The following OTOP1 variants were observed in gnomAD, a reference collection of about 807,000 sequenced individuals.
The protein encoded by OTOP1 is otopetrin 1.
A neutral mutation model predicts 52.9 loss-of-function variants in OTOP1; 59 were observed. The observed-to-expected ratio is 1.12, with a 90% confidence interval of 0.91 to 1.39. The LOEUF (loss-of-function observed/expected upper bound fraction) is 1.39. Ranked by LOEUF, OTOP1 falls within the 40% of genes most tolerant of loss-of-function variation. OTOP1 has a pLI of 0.00. For synonymous variants in OTOP1, 317 were observed against 337.7 expected (o/e 0.94, Z 0.67); for missense variants, 761 against 800.9 (o/e 0.95, Z 0.60).
intron 4 of OTOP1, among the ~76,000 whole-genome samples, chr4:4,201,520 C>G (rs559741321): frequency 2.1e-4 from 26 of 125,986 alleles, no homozygotes; most frequent in African/African-American, 7.4e-4. Context: ...ACATATATAG[C>G]CTACCAGAGA....
At chr4:4,220,084 T>TATATATATATATATATATAC (rs1717262877) in intron 1 of OTOP1, among the ~76,000 whole-genome samples, 1 of 63,756 alleles carries the variant, frequency 1.6e-5, no homozygotes, top group African/African-American at 1.4e-4. Context: ...TGTATACATA[T>TATATATATATATATATATAC]ATATATATAT....
At chr4:4,199,908 C>T (rs542973530) in intron 4 of OTOP1, among the ~76,000 whole-genome samples, 12 of 152,058 alleles carry the variant, frequency 7.9e-5, no homozygotes, top group Non-Finnish European at 1.5e-4. Context: ...GAGTCAACTA[C>T]AATAAAATTT....
chr4:4,212,008 T>G (rs528043839), intron 2 of OTOP1, among the ~76,000 whole-genome samples: 1 of 152,164 alleles, frequency 6.6e-6, no homozygotes, highest in Non-Finnish European at 1.5e-5. Context: ...GGCAACTATG[T>G]GAGATGACAG....
intron 5 of OTOP1, among the ~76,000 whole-genome samples, chr4:4,190,360 G>T (rs547619431): frequency 5.3e-5 from 8 of 152,314 alleles, no homozygotes; most frequent in South Asian, 2.1e-4. Context: ...TGTAATCCCA[G>T]CTACTCAGGG....
In OTOP1 at chr4:4,202,549, T is replaced by C. The variant is rs780106668; in HGVS notation, c.629A>G (p.Asn210Ser). 2.2e-5 allele frequency: 35 copies of C among 1,614,052 alleles called. No homozygotes were observed. The highest frequency in any genetic ancestry group is 8.9e-5 in the East Asian group (4 of 44,872). ...RFGVIHSVFT[N>S]LLLWANGVLN... is the part of the protein sequence containing the mutation. ...GACGCCATTGGCCCACAGAAGCAGG[T>C]TGGTGAACACCGAGTGGATCACTCC... Residue 210 changes from asparagine (N) to serine (S), a missense_variant, in exon 4 of 6, where the codon AAC becomes AGC. By Grantham distance (46) the Asn-to-Ser change is conservative. Around this residue, in one of 3 missense-constraint regions of OTOP1, gnomAD observed 632 missense variants for 619.5 expected, o/e 1.02. Coordinates refer to ENST00000296358, the MANE Select transcript of OTOP1 (RefSeq NM_177998.3).
chr4:4,223,978 T>G (rs1577186778), intron 1 of OTOP1, among the ~76,000 whole-genome samples: 6 of 137,960 alleles, frequency 4.3e-5, no homozygotes, highest in Admixed American at 7.3e-5. Flanking sequence ...AGAGGGACAG[T>G]GGAGAGAAGG....
chr4:4,195,027 T>A (rs1253469728), intron 5 of OTOP1, among the ~76,000 whole-genome samples: 6 of 152,138 alleles, frequency 3.9e-5, no homozygotes, highest in African/African-American at 1.2e-4. Flanking sequence ...TCTGTCTCCA[T>A]CCTTGCTACA....
intron 5 of OTOP1, among the ~76,000 whole-genome samples, chr4:4,194,110 A>T (rs1716571373): frequency 1.3e-5 from 2 of 152,132 alleles, no homozygotes; most frequent in South Asian, 2.1e-4. Context: ...AATCACTTGA[A>T]CCTGGGAGGC....
At chr4:4,201,994 T>C (rs1716799233) in intron 4 of OTOP1, among the ~76,000 whole-genome samples, 1 of 152,146 alleles carries the variant, frequency 6.6e-6, no homozygotes, top group Non-Finnish European at 1.5e-5. Flanking sequence ...TACAGTTAAA[T>C]TAAAACTTTA....
rs770478575 is a variant in OTOP1, at chr4:4,197,800, G to C, written c.1034C>G (p.Ser345Trp). 1.9e-6 allele frequency: 3 copies of C among 1,613,952 alleles called. No individual in the cohort carries two copies. The highest frequency in any genetic ancestry group is 2.2e-5 in the South Asian group (2 of 91,024). Residue 345 changes from serine (S) to tryptophan (W), a missense_variant, in exon 5 of 6, where the codon TCG becomes TGG. By Grantham distance (177) the Ser-to-Trp change is radical. This residue lies in a region of OTOP1 where 632 missense variants were observed against 619.5 expected (regional missense o/e 1.02). Coordinates refer to ENST00000296358, the MANE Select transcript of OTOP1 (RefSeq NM_177998.3). ...ATACAGGTAGAACATGATGAGTGCCGACTCGCTCTTGGTCTTGGAGCGCCC... is the reference window on the plus strand; with the variant it reads ...ATACAGGTAGAACATGATGAGTGCCCACTCGCTCTTGGTCTTGGAGCGCCC... ...HIGRSKTKSE[S>W]ALIMFYLYAI...
At chr4:4,221,891 C>T (rs867769393) in intron 1 of OTOP1, among the ~76,000 whole-genome samples, 2 of 152,282 alleles carry the variant, frequency 1.3e-5, no homozygotes, top group Middle Eastern at 3.4e-3. Flanking sequence ...GCTGGGACTA[C>T]AGGTGTGAGC....
chr4:4,206,108 G>T lies in OTOP1; in HGVS notation c.563C>A (p.Ala188Glu). 1.2e-6 allele frequency: 2 copies of T among 1,607,762 alleles called. No homozygotes were observed. The highest frequency in any genetic ancestry group is 1.7e-6 in the Non-Finnish European group (2 of 1,174,594). ...LLQVYFLWGH[A>E]KDIIQSFKTL... ...TTTGAAAGACTGGATAATATCCTTT[G>T]CATGCCCCCAAAGAAAATATACCTA... Residue 188 changes from alanine to glutamate, a missense_variant, in exon 3 of 6, where the codon GCA becomes GAA. Physicochemically the swap from Ala to Glu is moderately radical, Grantham distance 107. Transcript: ENST00000296358.
At chr4:4,194,622 C>T (rs377565658) in intron 5 of OTOP1, among the ~76,000 whole-genome samples, 2 of 152,340 alleles carry the variant, frequency 1.3e-5, no homozygotes, top group Non-Finnish European at 1.5e-5. Flanking sequence ...AAGCTGCAGG[C>T]CCTGTATGCA....
At position 4,226,496 on chromosome 4, in the gene OTOP1, G is replaced by A; in HGVS notation, c.369C>T (p.Leu123=). 1 of 1,573,988 alleles carries A rather than the reference G, an allele frequency of 6.4e-7. No individual in the cohort carries two copies. The highest frequency in any genetic ancestry group is 8.6e-7 in the Non-Finnish European group (1 of 1,167,754). Residue 123 remains leucine, a synonymous_variant, in exon 1 of 6, where the codon CTC becomes CTT. Transcript: ENST00000296358. ...RSSAHRRLFR[L]KDTHAGAGWL... ...AGCCGGCACCCGCGTGCGTGTCCTT[G>A]AGGCGGAAGAGGCGGCGGTGCGCGG...
chr4:4,202,223 C>T (rs1238941460), intron 4 of OTOP1, among the ~76,000 whole-genome samples: 1 of 152,156 alleles, frequency 6.6e-6, no homozygotes, highest in African/African-American at 2.4e-5. Context: ...TCTTACAAGT[C>T]CCTGAGTCAT....
At chr4:4,211,207 G>A (rs17697684) in intron 2 of OTOP1, among the ~76,000 whole-genome samples, 22,306 of 152,190 alleles carry the variant, frequency 0.15, 2,245 homozygotes, top group Non-Finnish European at 0.22. Context: ...GGGGGTACAA[G>A]CTGAAGGTCA....
At chr4:4,205,297 G>A (rs570750653) in intron 3 of OTOP1, among the ~76,000 whole-genome samples, 36 of 152,286 alleles carry the variant, frequency 2.4e-4, no homozygotes, top group Admixed American at 1.8e-3. Context: ...GAAACAAATA[G>A]ATTCTTCTCT....
At chr4:4,203,837 G>C (rs1242073297) in intron 3 of OTOP1, among the ~76,000 whole-genome samples, 1 of 152,178 alleles carries the variant, frequency 6.6e-6, no homozygotes, top group African/African-American at 2.4e-5. Context: ...GTTTCACCTG[G>C]CAGCTCAGGC....
intron 1 of OTOP1, among the ~76,000 whole-genome samples, chr4:4,217,618 G>A (rs368274944): frequency 7.9e-5 from 12 of 152,284 alleles, no homozygotes; most frequent in African/African-American, 2.4e-4. Flanking sequence ...ATCTAGTGGG[G>A]AAGGCAAAAA....
Sources: allele counts gnomAD v4.1 joint callset (sites outside exome capture counted in the v4.1 genomes callset), GRCh38; gene constraint gnomAD v4.1.1; regional missense constraint gnomAD v4.1.1; transcripts MANE v1.5; gene names NCBI Gene and HGNC (gene_info 2026-07-23, HGNC 2026-07-21).